Variants in PDE8A observed in about 807,000 individuals in gnomAD.
PDE8A encodes high affinity cAMP-specific and IBMX-insensitive 3',5'-cyclic phosphodiesterase 8A.
Under a neutral mutation model 105.0 loss-of-function variants are expected in PDE8A, and 59 were observed. The ratio of observed to expected loss-of-function variants is 0.56; its 90% CI spans 0.46 to 0.70. The LOEUF (loss-of-function observed/expected upper bound fraction) is 0.70, where lower values mean the gene tolerates loss of function less well. Among genes scored for constraint, PDE8A ranks in the 30% least tolerant of loss-of-function variants. PDE8A has a pLI of 0.00. For missense variants in PDE8A, 1,014 were observed against 1,045.9 expected, an observed-to-expected ratio of 0.97 and a Z score of 0.42; for synonymous variants, 355 against 371.9, an observed-to-expected ratio of 0.95 and a Z score of 0.52.
intron 1 of PDE8A, among the ~76,000 whole-genome samples, chr15:85,040,401 GAAAA>G (rs2080784784): frequency 7.0e-6 from 1 of 143,520 alleles, no homozygotes; most frequent in Non-Finnish European, 1.5e-5. Flanking sequence ...GAAAAGAAAA[GAAAA>G]AACATTTTTG....
At chr15:85,094,370 T>C (rs562786046) in intron 8 of PDE8A, among the ~76,000 whole-genome samples, 255 of 152,376 alleles carry the variant, frequency 1.7e-3, no homozygotes, top group Non-Finnish European at 2.8e-3. Context: ...TTTCCTACTC[T>C]TCTTCCATTT....
At chr15:85,094,736 G>A (rs1431602238) in intron 8 of PDE8A, among the ~76,000 whole-genome samples, 3 of 152,068 alleles carry the variant, frequency 2.0e-5, no homozygotes, top group African/African-American at 7.2e-5. Flanking sequence ...CCCCTGTTTT[G>A]AGGGTCCATT....
intron 17 of PDE8A, 84 bp from the exon 18 acceptor site, chr15:85,120,713 T>C: frequency 2.5e-6 from 2 of 797,276 alleles, no homozygotes; most frequent in Non-Finnish European, 4.1e-6. Context: ...TACCTGAAAG[T>C]AATAGGGGAG....
chr15:85,019,845 G>A (rs2080391610), intron 1 of PDE8A, among the ~76,000 whole-genome samples: 1 of 151,702 alleles, frequency 6.6e-6, no homozygotes, highest in Non-Finnish European at 1.5e-5. Context: ...CTCACAAAGT[G>A]CTGGAATTAC....
At chr15:85,000,423 G>T (rs1365319696) in intron 1 of PDE8A, among the ~76,000 whole-genome samples, 2 of 152,224 alleles carry the variant, frequency 1.3e-5, no homozygotes, top group Non-Finnish European at 2.9e-5. Context: ...TGTTTCTGCA[G>T]TGTAGGACAG....
intron 1 of PDE8A, among the ~76,000 whole-genome samples, chr15:85,038,709 A>G (rs76409832): frequency 0.036 from 5,504 of 152,332 alleles, 312 homozygotes; most frequent in African/African-American, 0.12. Flanking sequence ...CAGAAGATAT[A>G]CAGATGGCTA....
intron 19 of PDE8A, among the ~76,000 whole-genome samples, chr15:85,124,475 T>C (rs2082229255): frequency 6.6e-6 from 1 of 152,218 alleles, no homozygotes; most frequent in African/African-American, 2.4e-5. Flanking sequence ...CTGAGATATT[T>C]GCCACACACA....
intron 1 of PDE8A, among the ~76,000 whole-genome samples, chr15:85,057,272 G>A (rs966815879): frequency 1.3e-5 from 2 of 152,204 alleles, no homozygotes; most frequent in South Asian, 4.1e-4. Context: ...TCCGCTTGAG[G>A]AGGCAGACTG....
chr15:85,046,040 C>T (rs1406143111), intron 1 of PDE8A, among the ~76,000 whole-genome samples: 2 of 147,078 alleles, frequency 1.4e-5, no homozygotes, highest in African/African-American at 2.5e-5. Flanking sequence ...GACTTAGGCT[C>T]TTCGTAAGAT....
At chr15:85,137,510 A>C (rs2082431125) in intron 21 of PDE8A, among the ~76,000 whole-genome samples, 1 of 152,206 alleles carries the variant, frequency 6.6e-6, no homozygotes, top group Non-Finnish European at 1.5e-5. Flanking sequence ...CCCCAGGCCC[A>C]AAGGTGCTGC....
rs141277590 is a variant in PDE8A, at chr15:85,136,159, T to G, written c.2254-375T>G. 5.9e-5 allele frequency among the ~76,000 whole-genome samples: 9 copies of G among 152,370 alleles called. No homozygotes were observed. The East Asian group carries it at 1.7e-3, about 29-fold the overall frequency. ...AAGTAATCGCCTGCTCTGTGGACTCTAGGCCAGTAGCCTGTAAACTCTGTA... is the reference window on the plus strand; with the variant it reads ...AAGTAATCGCCTGCTCTGTGGACTCGAGGCCAGTAGCCTGTAAACTCTGTA... On this transcript the variant is annotated intron_variant, in intron 20 of 21. Coordinates refer to ENST00000394553, the MANE Select transcript of PDE8A (RefSeq NM_002605.3).
In PDE8A at chr15:85,089,339, G is replaced by T. The variant is rs775313361; in HGVS notation, c.637G>T (p.Ala213Ser). The stretch of plus-strand genomic sequence containing the variant: ...TCCTTTTTTTGTTTACTCATAAAGG[G>T]CTTGTAACTCAGTATTCACTGCATT... ...GEVRSQLKLR[A>S]CNSVFTALEN... Residue 213 changes from alanine to serine, a missense_variant and splice_region_variant, in exon 7 of 22, where the codon GCT becomes TCT. Physicochemically the swap from Ala to Ser is moderately conservative, Grantham distance 99 (BLOSUM62 1). Coordinates refer to ENST00000394553, the MANE Select transcript of PDE8A (RefSeq NM_002605.3). 6.5e-7 allele frequency: 1 copy of T among 1,539,740 alleles called. No individual in the cohort carries two copies. Among genetic ancestry groups the T allele is most frequent in the Non-Finnish European group, 8.9e-7 (1 of 1,117,468 alleles).
intron 21 of PDE8A, 134 bp downstream of exon 21, chr15:85,136,797 C>A: frequency 1.2e-6 from 1 of 811,510 alleles, no homozygotes; most frequent in Non-Finnish European, 1.9e-6. Context: ...AGTGAACCAT[C>A]ACCGAGGGCC....
intron 1 of PDE8A, among the ~76,000 whole-genome samples, chr15:84,988,931 C>G (rs17610265): frequency 6.6e-6 from 1 of 152,192 alleles, no homozygotes; most frequent in Admixed American, 6.5e-5. Flanking sequence ...GGCTTTTATT[C>G]ATGTTCCACG....
chr15:85,115,285 A>T (rs2082078126), intron 14 of PDE8A, 154 bp from the exon 15 acceptor site: 2 of 587,746 alleles, frequency 3.4e-6, no homozygotes, highest in African/African-American at 2.0e-5. Flanking sequence ...TCAGTGGTCA[A>T]TCACAGGGGT....
intron 11 of PDE8A, among the ~76,000 whole-genome samples, chr15:85,103,337 T>C (rs1347372222): frequency 6.6e-6 from 1 of 152,194 alleles, no homozygotes. Flanking sequence ...GGGGAGCATC[T>C]CCCAAACTGC....
chr15:85,076,596 TTTA>T, intron 4 of PDE8A, 134 bp from the exon 5 acceptor site: 1 of 625,830 alleles, frequency 1.6e-6, no homozygotes. Flanking sequence ...AACTTTATCC[TTTA>T]AATTTGTATA....
In PDE8A at chr15:85,138,862, CTATTT is replaced by C. The variant is rs1320626648; in HGVS notation, c.*963_*967del. On this transcript the variant is annotated 3_prime_UTR_variant, in exon 22 of 22. Transcript: ENST00000394553. ...ATAATTCAATTTCCAAAAGTCTACT[CTATTT>C]TATACTGTTTCTACAAAATATTCCT... The C allele has an allele frequency of 2.0e-5, 3 of 152,268 alleles. No homozygotes were observed. In the East Asian group the frequency reaches 5.8e-4, roughly 29 times the overall value. The allele number at this position is 152,268 out of a possible 1,614,324, so 9.4% of individuals were successfully genotyped here.
At chr15:85,025,363 C>T (rs2080498036) in intron 1 of PDE8A, among the ~76,000 whole-genome samples, 2 of 151,856 alleles carry the variant, frequency 1.3e-5, no homozygotes, top group Admixed American at 6.6e-5. Flanking sequence ...TCAGTGCCCC[C>T]ATTCCCAGGC....
Sources: gnomAD v4.1 joint callset for allele counts (sites outside exome capture counted in the v4.1 genomes callset) on GRCh38, gnomAD v4.1.1 for gene constraint, MANE v1.5 for transcripts, NCBI Gene and HGNC (gene_info 2026-07-23, HGNC 2026-07-21) for gene names.